Variants in CEP112 observed in about 807,000 individuals in gnomAD.
CEP112 encodes the protein centrosomal protein of 112 kDa.
A neutral mutation model predicts 153.0 loss-of-function variants in CEP112; 127 were observed. The ratio of observed to expected loss-of-function variants is 0.83; its 90% confidence interval spans 0.72 to 0.96. The LOEUF (loss-of-function observed/expected upper bound fraction) is 0.96, where lower values mean the gene tolerates loss of function less well. Among genes scored for constraint, CEP112 ranks in the 40% least tolerant of loss-of-function variants. CEP112 has a pLI of 0.00. For synonymous variants in CEP112, 358 were observed against 374.4 expected, an observed-to-expected ratio of 0.96 and a Z score of 0.51; for missense variants, 1,089 against 1,101.2, an observed-to-expected ratio of 0.99 and a Z score of 0.16.
In CEP112 at chr17:66,157,433, T is replaced by G. The variant is rs374782084; in HGVS notation, c.470+17611A>C. Among the ~76,000 whole-genome samples, 6 of 152,078 alleles carry G rather than the reference T, an allele frequency of 3.9e-5. No individual in the cohort carries two copies. In the East Asian group the frequency reaches 7.7e-4, roughly 20 times the overall value. On this transcript the variant is annotated intron_variant, in intron 4 of 26. Transcript: ENST00000535342. ...CAGCCACTGCAAAAACATACCAAAT[T>G]ATAAAAACCATCGACACTATGAAGA...
chr17:66,149,895 T>TTTTTTTTTG (rs1568549426), intron 4 of CEP112, among the ~76,000 whole-genome samples: 3 of 106,122 alleles, frequency 2.8e-5, no homozygotes, highest in African/African-American at 1.1e-4. Flanking sequence ...TTTGTTTTTT[T>TTTTTTTTTG]TTTTTTTTTT....
chr17:65,828,399 T>C (rs1052005040), intron 21 of CEP112, among the ~76,000 whole-genome samples: 12 of 152,122 alleles, frequency 7.9e-5, no homozygotes, highest in Non-Finnish European at 1.5e-4. Flanking sequence ...TTTCCTCTCT[T>C]CCTGCTGGTT....
chr17:65,905,298 A>G (rs2060027445), intron 19 of CEP112, among the ~76,000 whole-genome samples: 1 of 152,258 alleles, frequency 6.6e-6, no homozygotes, highest in South Asian at 2.1e-4. Flanking sequence ...AAGGATATGA[A>G]CAGACACTTC....
chr17:65,685,515 C>T (rs563821624), intron 24 of CEP112, among the ~76,000 whole-genome samples: 2 of 152,072 alleles, frequency 1.3e-5, no homozygotes, highest in Admixed American at 6.5e-5. Context: ...TTTAGTTGTT[C>T]GATTGGCTGA....
intron 24 of CEP112, among the ~76,000 whole-genome samples, chr17:65,661,256 G>A (rs1371466351): frequency 6.6e-6 from 1 of 152,036 alleles, no homozygotes; most frequent in African/African-American, 2.4e-5. Context: ...CCCTCCCACA[G>A]CCTTCTAGTC....
intron 19 of CEP112, among the ~76,000 whole-genome samples, chr17:65,904,277 C>G (rs2059987784): frequency 6.6e-6 from 1 of 152,146 alleles, no homozygotes; most frequent in South Asian, 2.1e-4. Context: ...AATCAATATG[C>G]AAAAATCACA....
At chr17:65,946,429 T>C (rs2061651203) in intron 18 of CEP112, among the ~76,000 whole-genome samples, 1 of 152,218 alleles carries the variant, frequency 6.6e-6, no homozygotes, top group Non-Finnish European at 1.5e-5. Flanking sequence ...ATTGAATTGG[T>C]CATTTTTTTC....
At chr17:65,922,381 C>T (rs2060765343) in intron 19 of CEP112, among the ~76,000 whole-genome samples, 1 of 151,970 alleles carries the variant, frequency 6.6e-6, no homozygotes, top group Non-Finnish European at 1.5e-5. Flanking sequence ...AAGATATCTG[C>T]TTCAATTATT....
At chr17:65,765,615 T>C (rs1000236928) in intron 21 of CEP112, among the ~76,000 whole-genome samples, 10 of 152,042 alleles carry the variant, frequency 6.6e-5, no homozygotes, top group South Asian at 2.1e-4. Flanking sequence ...AGACTCTCCA[T>C]TGTGGGGAAC....
intron 16 of CEP112, among the ~76,000 whole-genome samples, chr17:66,017,030 C>A (rs2145580468): frequency 6.6e-6 from 1 of 152,116 alleles, no homozygotes; most frequent in Non-Finnish European, 1.5e-5. Context: ...GATGTAAAGA[C>A]CTTAGAACAA....
intron 20 of CEP112, among the ~76,000 whole-genome samples, chr17:65,870,201 G>C (rs1426468855): frequency 6.6e-6 from 1 of 152,146 alleles, no homozygotes; most frequent in African/African-American, 2.4e-5. Context: ...GAACTGGAAA[G>C]CATTATGGCT....
chr17:66,156,254 G>A (rs1279998449), intron 4 of CEP112, among the ~76,000 whole-genome samples: 1 of 152,132 alleles, frequency 6.6e-6, no homozygotes, highest in Non-Finnish European at 1.5e-5. Flanking sequence ...GGTCTGAAGT[G>A]GACCTCCAGA....
intron 20 of CEP112, among the ~76,000 whole-genome samples, chr17:65,863,571 C>T (rs541785454): frequency 1.4e-5 from 2 of 147,050 alleles, no homozygotes; most frequent in East Asian, 2.1e-4. Context: ...ATCGAGACCA[C>T]GGTGAAACCC....
At chr17:65,643,930 C>T (rs1284633985) in intron 24 of CEP112, among the ~76,000 whole-genome samples, 1 of 152,192 alleles carries the variant, frequency 6.6e-6, no homozygotes, top group Non-Finnish European at 1.5e-5. Flanking sequence ...GGGCACAGCA[C>T]TGCCTACAGA....
chr17:66,017,937 C>T (rs1169207959), intron 16 of CEP112, among the ~76,000 whole-genome samples: 1 of 151,310 alleles, frequency 6.6e-6, no homozygotes, highest in African/African-American at 2.4e-5. Context: ...GAGGCAGAGA[C>T]TGCAGTGAGC....
At position 65,782,093 on chromosome 17, in the gene CEP112, A is replaced by G. The variant is rs201893331; in HGVS notation, c.2395-31369T>C. 1.8e-4 allele frequency among the ~76,000 whole-genome samples: 28 copies of G among 152,290 alleles called. No individual in the cohort carries two copies. The East Asian group carries it at 4.8e-3, about 26-fold the overall frequency. ...ACACTACAGAATAGGAGAAAATATT[A>G]GCAAACTATGCATCTGACAAAGGTC... On this transcript the variant is annotated intron_variant, in intron 21 of 26. Transcript: ENST00000535342.
chr17:65,727,627 A>G (rs1342887036), intron 23 of CEP112, among the ~76,000 whole-genome samples: 1 of 152,252 alleles, frequency 6.6e-6, no homozygotes, highest in Admixed American at 6.5e-5. Flanking sequence ...CAGGAAACAG[A>G]AAGACTGGAG....
chr17:65,759,064 C>G, intron 21 of CEP112, among the ~76,000 whole-genome samples: 1 of 152,146 alleles, frequency 6.6e-6, no homozygotes, highest in East Asian at 1.9e-4. Context: ...CAAAACCCAC[C>G]AAAACCAAGA....
chr17:66,042,293 T>C (rs893078489), intron 12 of CEP112, among the ~76,000 whole-genome samples: 5 of 152,288 alleles, frequency 3.3e-5, no homozygotes, highest in South Asian at 2.1e-4. Context: ...GAGGTTGTAG[T>C]GAGCTGAGAT....
Sources: allele counts gnomAD v4.1 joint callset (sites outside exome capture counted in the v4.1 genomes callset), GRCh38; gene constraint gnomAD v4.1.1; transcripts MANE v1.5; gene names NCBI Gene and HGNC (gene_info 2026-07-23, HGNC 2026-07-21).